KIF21A: variants seen among roughly 807,000 people sequenced by gnomAD.
KIF21A encodes kinesin family member 21A.
In KIF21A, 114 loss-of-function variants were observed where a neutral mutation model predicts 202.9. The observed-to-expected ratio is 0.56, with a 90% CI of 0.48 to 0.66. The LOEUF is 0.66. Among genes scored for constraint, KIF21A ranks in the 30% least tolerant of loss-of-function variants. The pLI is 0.00. For missense variants in KIF21A, 1,677 were observed against 1,994.9 expected, an observed-to-expected ratio of 0.84 and a Z score of 3.04; for synonymous variants, 667 against 670.8, an observed-to-expected ratio of 0.99 and a Z score of 0.09.
intron 26 of KIF21A, among the ~76,000 whole-genome samples, chr12:39,324,859 T>C (rs1476068966): frequency 1.3e-5 from 2 of 152,230 alleles, no homozygotes; most frequent in African/African-American, 4.8e-5. Flanking sequence ...TATTATTATT[T>C]CAGGTCCTGA....
intron 24 of KIF21A, among the ~76,000 whole-genome samples, chr12:39,328,003 G>T (rs946036531): frequency 6.6e-6 from 1 of 152,018 alleles, no homozygotes; most frequent in African/African-American, 2.4e-5. Context: ...CTTTTAAAAA[G>T]TTTTTTATAT....
chr12:39,331,043 C>T, intron 22 of KIF21A, 132 bp from the exon 23 acceptor site: 1 of 843,306 alleles, frequency 1.2e-6, no homozygotes, highest in Admixed American at 2.0e-5. Flanking sequence ...CCCAGCTCCT[C>T]CAGTAACTGG....
intron 14 of KIF21A, 128 bp downstream of exon 14, chr12:39,341,377 C>A: frequency 1.1e-6 from 1 of 876,422 alleles, no homozygotes; most frequent in East Asian, 2.4e-5. Flanking sequence ...CCTTGGAAGG[C>A]AAATGTAGGT....
chr12:39,410,350 A>C (rs1026144032), intron 1 of KIF21A, among the ~76,000 whole-genome samples: 10 of 152,314 alleles, frequency 6.6e-5, no homozygotes, highest in Admixed American at 5.9e-4. Flanking sequence ...CAACAACAGT[A>C]GGAAACTAAT....
rs115201281 is a variant in KIF21A at position 39,315,704 on chromosome 12, C to T, written c.3947+228G>A. On this transcript the variant is annotated intron_variant, in intron 30 of 37. Coordinates refer to ENST00000361418, the MANE Select transcript of KIF21A (RefSeq NM_001173464.2). Reference sequence around the variant, plus strand: ...AAAGATTCAGATTACAGACAGAAAACAGGTATCACAATTTTTAAACTATTA... The same window carrying T: ...AAAGATTCAGATTACAGACAGAAAATAGGTATCACAATTTTTAAACTATTA... Among the ~76,000 whole-genome samples the T allele has an allele frequency of 4.2e-3, 642 of 151,560 alleles. 7 individuals carry two copies. The highest frequency in any genetic ancestry group is 0.015 in the African/African-American group (625 of 41,428).
At chr12:39,430,654 A>G (rs1196112842) in intron 1 of KIF21A, among the ~76,000 whole-genome samples, 1 of 151,990 alleles carries the variant, frequency 6.6e-6, no homozygotes, top group African/African-American at 2.4e-5. Flanking sequence ...AGATTCATTC[A>G]ACTCCTTAGT....
chr12:39,299,331 T>C (rs575124249), intron 37 of KIF21A, among the ~76,000 whole-genome samples: 12 of 152,240 alleles, frequency 7.9e-5, no homozygotes, highest in African/African-American at 2.6e-4. Flanking sequence ...AAGGAAGACA[T>C]ACATGCCGCT....
intron 1 of KIF21A, among the ~76,000 whole-genome samples, chr12:39,372,615 A>T (rs944039420): frequency 2.0e-5 from 3 of 152,224 alleles, no homozygotes; most frequent in African/African-American, 7.2e-5. Flanking sequence ...TGTAATACAT[A>T]TTAAATGATA....
At chr12:39,426,063 G>C (rs770083456) in intron 1 of KIF21A, among the ~76,000 whole-genome samples, 21 of 151,982 alleles carry the variant, frequency 1.4e-4, no homozygotes, top group South Asian at 6.2e-4. Context: ...TGATAAAACA[G>C]GTAATCGGTC....
intron 2 of KIF21A, 61 bp from the exon 3 acceptor site, chr12:39,369,972 A>C (rs1279243255): frequency 5.0e-6 from 8 of 1,591,968 alleles, no homozygotes; most frequent in Admixed American, 5.0e-5. Flanking sequence ...AGAAACAAAA[A>C]TGAAAGCGCA....
intron 32 of KIF21A, 133 bp downstream of exon 32, chr12:39,311,284 A>G: frequency 1.3e-6 from 1 of 773,624 alleles, no homozygotes; most frequent in East Asian, 2.7e-5. Flanking sequence ...TATATTTTAC[A>G]TTCAGGGGTT....
chr12:39,395,313 C>T (rs1339749573), intron 1 of KIF21A, among the ~76,000 whole-genome samples: 4 of 152,182 alleles, frequency 2.6e-5, no homozygotes, highest in Admixed American at 2.6e-4. Context: ...CTTTCTCTTT[C>T]CATTGCTCTA....
chr12:39,330,478 G>A (rs1365740173), intron 23 of KIF21A, among the ~76,000 whole-genome samples: 4 of 152,116 alleles, frequency 2.6e-5, no homozygotes, highest in Non-Finnish European at 2.9e-5. Context: ...TAACCAATAC[G>A]AAAACTTGAT....
intron 1 of KIF21A, among the ~76,000 whole-genome samples, chr12:39,375,872 T>C (rs1296777780): frequency 6.6e-6 from 1 of 152,106 alleles, no homozygotes; most frequent in Non-Finnish European, 1.5e-5. Context: ...TATTAAATAT[T>C]ATAATATTAT....
chr12:39,300,142 C>T (rs1942830850), intron 37 of KIF21A, among the ~76,000 whole-genome samples: 2 of 152,048 alleles, frequency 1.3e-5, no homozygotes, highest in South Asian at 4.2e-4. Context: ...CTCTTCAAAA[C>T]TGAGACCATA....
chr12:39,430,968 A>G (rs944758017), intron 1 of KIF21A, among the ~76,000 whole-genome samples: 1 of 152,196 alleles, frequency 6.6e-6, no homozygotes, highest in Non-Finnish European at 1.5e-5. Context: ...ACCCAGAACC[A>G]GGAGCTAAAT....
intron 27 of KIF21A, 68 bp from the exon 28 acceptor site, chr12:39,320,081 A>T (rs1339778418): frequency 1.1e-6 from 1 of 877,834 alleles, no homozygotes; most frequent in Non-Finnish European, 1.8e-6. Flanking sequence ...GTAGATAGTC[A>T]ATCTAAAATT....
At chr12:39,373,288 T>C (rs926340201) in intron 1 of KIF21A, among the ~76,000 whole-genome samples, 4 of 152,240 alleles carry the variant, frequency 2.6e-5, no homozygotes, top group African/African-American at 9.6e-5. Context: ...CTTGTTTCTA[T>C]GCCTCCAACT....
intron 1 of KIF21A, among the ~76,000 whole-genome samples, chr12:39,436,793 C>T (rs898323736): frequency 1.3e-5 from 2 of 152,038 alleles, no homozygotes; most frequent in Admixed American, 6.6e-5. Flanking sequence ...TATTTTAACA[C>T]TCTGAGAAGA....
Sources: gnomAD v4.1 joint callset for allele counts (sites outside exome capture counted in the v4.1 genomes callset) on GRCh38, gnomAD v4.1.1 for gene constraint, MANE v1.5 for transcripts, NCBI Gene and HGNC (gene_info 2026-07-23, HGNC 2026-07-21) for gene names.